Variants in RGS5 observed in about 807,000 individuals in gnomAD.
RGS5 encodes regulator of G-protein signalling 5.
Under a neutral mutation model 18.9 loss-of-function variants are expected in RGS5, and 20 were observed. The observed-to-expected ratio is 1.06, with a 90% CI of 0.74 to 1.54. The LOEUF (loss-of-function observed/expected upper bound fraction) is 1.54. Ranked by LOEUF, RGS5 falls within the 40% of genes most tolerant of loss-of-function variation. The probability of loss-of-function intolerance (pLI) is 0.00; values close to 1 mark genes in which losing one functional copy is unlikely to be tolerated. For missense variants in RGS5, 201 were observed against 211.8 expected, an observed-to-expected ratio of 0.95 and a Z score of 0.32; for synonymous variants, 57 against 76.2, an observed-to-expected ratio of 0.75 and a Z score of 1.31.
intron 1 of RGS5, among the ~76,000 whole-genome samples, chr1:163,308,168 A>T (rs16852385): frequency 0.089 from 13,574 of 152,244 alleles, 679 homozygotes; most frequent in African/African-American, 0.13. Context: ...TGCTACATTT[A>T]AAAAAGTTAT....
chr1:163,195,682 A>G (rs1659535493), intron 1 of RGS5, among the ~76,000 whole-genome samples: 1 of 151,778 alleles, frequency 6.6e-6, no homozygotes, highest in Non-Finnish European at 1.5e-5. Context: ...TTTTTTTTTA[A>G]AAGATGAGGT....
chr1:163,278,557 C>T (rs1326487240), intron 2 of RGS5, among the ~76,000 whole-genome samples: 2 of 151,916 alleles, frequency 1.3e-5, no homozygotes, highest in Non-Finnish European at 2.9e-5. Context: ...AGAGCAGATA[C>T]ACAAATGAAA....
In RGS5 at chr1:163,143,668, A is replaced by G. The variant is rs1657011859; in HGVS notation, c.*3674T>C. 1 of 152,046 alleles carries G rather than the reference A, an allele frequency of 6.6e-6. No homozygotes were observed. Among genetic ancestry groups the G allele is most frequent in the African/African-American group, 2.4e-5 (1 of 41,396 alleles). The allele number at this position is 152,046 out of a possible 1,614,324, so 9.4% of individuals were successfully genotyped here. ...CCCCTTTCTTCCCTTTCTTTTCATG[A>G]CTATTCTCTCCTAAACTTGCTAAAC... On this transcript the variant is annotated 3_prime_UTR_variant, in exon 5 of 5. Coordinates refer to ENST00000313961, the MANE Select transcript of RGS5 (RefSeq NM_003617.4).
At chr1:163,288,816 T>C (rs576481682) in intron 2 of RGS5, among the ~76,000 whole-genome samples, 1 of 152,302 alleles carries the variant, frequency 6.6e-6, no homozygotes, top group South Asian at 2.1e-4. Context: ...TGTGTTCAAA[T>C]GGAATTTATT....
At chr1:163,215,249 A>T (rs539170326) in intron 1 of RGS5, among the ~76,000 whole-genome samples, 68 of 152,324 alleles carry the variant, frequency 4.5e-4, no homozygotes, top group Non-Finnish European at 8.8e-4. Context: ...GAGGCTGCAT[A>T]GTATAATGGT....
intron 1 of RGS5, among the ~76,000 whole-genome samples, chr1:163,176,820 CAG>C (rs1658582277): frequency 6.6e-6 from 1 of 152,032 alleles, no homozygotes; most frequent in Non-Finnish European, 1.5e-5. Flanking sequence ...TTGGGCAAGA[CAG>C]ATACAAAACA....
chr1:163,312,770 C>T (rs1649903450), intron 1 of RGS5, among the ~76,000 whole-genome samples: 1 of 152,122 alleles, frequency 6.6e-6, no homozygotes, highest in Admixed American at 6.6e-5. Flanking sequence ...AAAGTGAAAA[C>T]ATTATTTTGT....
At chr1:163,155,695 G>T (rs1323438141) in intron 3 of RGS5, among the ~76,000 whole-genome samples, 1 of 152,104 alleles carries the variant, frequency 6.6e-6, no homozygotes, top group Non-Finnish European at 1.5e-5. Flanking sequence ...ATTCTGCAAA[G>T]AACACACATT....
chr1:163,311,979 A>G (rs1364780339), intron 1 of RGS5, among the ~76,000 whole-genome samples: 7 of 152,172 alleles, frequency 4.6e-5, no homozygotes, highest in Non-Finnish European at 2.9e-5. Flanking sequence ...GTGCAATAAA[A>G]CAAGATATGC....
At chr1:163,222,773 C>T (rs955077764) in intron 2 of RGS5, among the ~76,000 whole-genome samples, 4 of 152,082 alleles carry the variant, frequency 2.6e-5, no homozygotes, top group South Asian at 2.1e-4. Context: ...TTGAGATGAC[C>T]GAAGTCAGGT....
At chr1:163,280,650 G>C (rs1648969262) in intron 2 of RGS5, among the ~76,000 whole-genome samples, 1 of 151,970 alleles carries the variant, frequency 6.6e-6, no homozygotes, top group South Asian at 2.1e-4. Context: ...CATGATCATG[G>C]ACTAGATGAA....
At position 163,147,289 on chromosome 1, in the gene RGS5, G is replaced by T. The variant is rs1657168477; in HGVS notation, c.*53C>A. 4.6e-6 allele frequency: 7 copies of T among 1,507,868 alleles called. No homozygotes were observed. The Admixed American group carries it at 6.1e-5, about 13-fold the overall frequency. The allele number at this position is 1,507,868 out of a possible 1,614,324, so 93.4% of individuals were successfully genotyped here. On this transcript the variant is annotated 3_prime_UTR_variant, in exon 5 of 5. Coordinates refer to ENST00000313961, the MANE Select transcript of RGS5 (RefSeq NM_003617.4). ...ATATGTAGATTAATGGGAAATGCAG[G>T]GTTATTATGGAGGAAATAACTCACA...
At chr1:163,286,436 C>CAT (rs3069039) in intron 2 of RGS5, among the ~76,000 whole-genome samples, 45,962 of 151,736 alleles carry the variant, frequency 0.3, 6,991 homozygotes, top group Non-Finnish European at 0.32. Flanking sequence ...AATTTATGCA[C>CAT]ATAATATACA....
chr1:163,189,417 T>C (rs541866558), intron 1 of RGS5, among the ~76,000 whole-genome samples: 139 of 152,116 alleles, frequency 9.1e-4, no homozygotes, highest in African/African-American at 3.3e-3. Flanking sequence ...TGGAGCAAAA[T>C]AAACAGAAAA....
intron 1 of RGS5, among the ~76,000 whole-genome samples, chr1:163,315,976 C>T (rs1037604975): frequency 6.6e-6 from 1 of 152,094 alleles, no homozygotes; most frequent in Non-Finnish European, 1.5e-5. Flanking sequence ...TGCAACAGCG[C>T]CACCCAGTGA....
chr1:163,157,467 G>A (rs1326212256), intron 3 of RGS5, among the ~76,000 whole-genome samples: 1 of 152,184 alleles, frequency 6.6e-6, no homozygotes. Flanking sequence ...AACCTTGTTA[G>A]AAGAGACTGA....
At chr1:163,243,418 G>A (rs1222309291) in intron 2 of RGS5, among the ~76,000 whole-genome samples, 5 of 151,888 alleles carry the variant, frequency 3.3e-5, no homozygotes, top group Admixed American at 1.3e-4. Context: ...GAGGCCGAGC[G>A]GGGTGGATCA....
chr1:163,316,532 T>C (rs948027219), intron 1 of RGS5, among the ~76,000 whole-genome samples: 8 of 151,910 alleles, frequency 5.3e-5, no homozygotes, highest in Non-Finnish European at 1.2e-4. Flanking sequence ...AGTTTGAGGC[T>C]GCAGTAAGCT....
exon 1 of RGS5, chr1:163,217,611 G>T (rs912589062): frequency 4.5e-6 from 7 of 1,540,236 alleles, no homozygotes; most frequent in African/African-American, 1.4e-5. Context: ...CTGAGGTTTT[G>T]TTTCTTTGTT....
Sources: gnomAD v4.1 joint callset for allele counts (sites outside exome capture counted in the v4.1 genomes callset) on GRCh38, gnomAD v4.1.1 for gene constraint, MANE v1.5 for transcripts, NCBI Gene and HGNC (gene_info 2026-07-23, HGNC 2026-07-21) for gene names.